WDPCP: variants seen among roughly 807,000 people sequenced by gnomAD.
The protein encoded by WDPCP is WD repeat containing planar cell polarity effector, also known as WD repeat-containing and planar cell polarity effector protein fritz homolog.
A neutral mutation model predicts 93.1 loss-of-function variants in WDPCP; 71 were observed. The observed-to-expected ratio is 0.76, with a 90% CI of 0.63 to 0.93. The LOEUF (loss-of-function observed/expected upper bound fraction) is 0.93. Ranked by LOEUF, WDPCP falls within the 40% of genes least tolerant of loss-of-function variation. The pLI is 0.00. For missense variants in WDPCP, 844 were observed against 887.4 expected, an observed-to-expected ratio of 0.95 and a Z score of 0.62; for synonymous variants, 315 against 315.0, an observed-to-expected ratio of 1.00 and a Z score of 0.00.
chr2:63,726,005 A>AT (rs1266526352), intron 2 of WDPCP, among the ~76,000 whole-genome samples: 3 of 152,076 alleles, frequency 2.0e-5, no homozygotes, highest in African/African-American at 7.2e-5. Flanking sequence ...TGCTTACTCC[A>AT]TTGATAGTAT....
chr2:63,459,852 G>T (rs1698888403), intron 6 of WDPCP, among the ~76,000 whole-genome samples: 1 of 151,348 alleles, frequency 6.6e-6, no homozygotes, highest in African/African-American at 2.4e-5. Context: ...GGGAGGGGGA[G>T]GTTGCAGTGA....
At chr2:63,171,193 A>G (rs1273266748) in intron 15 of WDPCP, among the ~76,000 whole-genome samples, 2 of 152,210 alleles carry the variant, frequency 1.3e-5, no homozygotes, top group East Asian at 3.8e-4. Flanking sequence ...AAAAAAGAAA[A>G]AATTGCTATC....
intron 14 of WDPCP, among the ~76,000 whole-genome samples, chr2:63,199,135 T>A (rs551245256): frequency 6.6e-6 from 1 of 152,306 alleles, no homozygotes; most frequent in South Asian, 2.1e-4. Context: ...GCCCAGCTGC[T>A]TCTAACAATG....
At chr2:63,181,826 T>A (rs1674264605) in intron 14 of WDPCP, among the ~76,000 whole-genome samples, 1 of 152,030 alleles carries the variant, frequency 6.6e-6, no homozygotes, top group African/African-American at 2.4e-5. Context: ...CATGGGAGGT[T>A]TTTCCATTTG....
At position 63,717,471 on chromosome 2, in the gene WDPCP, C is replaced by T. The variant is rs867086360; in HGVS notation, n.309-66633G>A. 54 of 393,916 alleles carry T rather than the reference C, an allele frequency of 1.4e-4. 1 individual carries two copies. The Middle Eastern group carries it at 8.6e-3, about 62-fold the overall frequency. The allele number at this position is 393,916 out of a possible 1,614,324, so 24.4% of individuals were successfully genotyped here. On this transcript the variant is annotated intron_variant and non_coding_transcript_variant, in intron 2 of 4. Transcript: ENST00000467687. ...ACTAAAGGTGGGAAAGAATTAAGGG[C>T]GGCAAAGATGTGTCAGATGAGCATT...
chr2:63,537,979 A>G (rs184025202), intron 1 of WDPCP, among the ~76,000 whole-genome samples: 44 of 152,326 alleles, frequency 2.9e-4, no homozygotes, highest in African/African-American at 1.2e-4. Context: ...GAACAAGAGC[A>G]TAAGTCCCGC....
intron 2 of WDPCP, among the ~76,000 whole-genome samples, chr2:63,785,015 A>G (rs573851940): frequency 6.6e-6 from 1 of 152,236 alleles, no homozygotes; most frequent in African/African-American, 2.4e-5. Context: ...TTACGCTATG[A>G]GAGTTCAATA....
Position 63,433,810 on chromosome 2 carries a change from G to A in WDPCP, c.760C>T (p.Pro254Ser). ...GCTCTGTCCTTCTCAGAAGAAATGG[G>A]GGCCCAAGGCCAAGCATCATCGTTG... Reference protein sequence around the residue: ...LVNDDAWPWAPISSEKDRANL... With the variant: ...LVNDDAWPWASISSEKDRANL... The change falls in exon 9 of 18, where the codon CCC becomes TCC. Residue 254 changes from proline (P) to serine (S), a missense_variant. Coordinates refer to ENST00000272321, the MANE Select transcript of WDPCP (RefSeq NM_015910.7). 1.2e-6 allele frequency: 2 copies of A among 1,612,236 alleles called. No homozygotes were observed. The highest frequency in any genetic ancestry group is 2.2e-5 in the East Asian group (1 of 44,878).
chr2:63,726,459 G>A (rs1029453695), intron 2 of WDPCP, among the ~76,000 whole-genome samples: 1 of 152,076 alleles, frequency 6.6e-6, no homozygotes, highest in Non-Finnish European at 1.5e-5. Context: ...GCCCTGTACT[G>A]TAGTTTGAGG....
intron 3 of WDPCP, among the ~76,000 whole-genome samples, chr2:63,629,601 G>A (rs957491321): frequency 4.6e-5 from 7 of 152,158 alleles, no homozygotes; most frequent in Non-Finnish European, 7.4e-5. Flanking sequence ...GAGGCCATGC[G>A]GGAAGCAATG....
chr2:63,768,169 G>C (rs1670173322), intron 2 of WDPCP, among the ~76,000 whole-genome samples: 1 of 151,918 alleles, frequency 6.6e-6, no homozygotes, highest in Non-Finnish European at 1.5e-5. Context: ...ACCTTTTGTT[G>C]AAAATGACTA....
At chr2:63,621,674 A>T (rs569221230) in intron 3 of WDPCP, among the ~76,000 whole-genome samples, 1 of 152,272 alleles carries the variant, frequency 6.6e-6, no homozygotes, top group South Asian at 2.1e-4. Flanking sequence ...AATACAGAGA[A>T]CACCACTAAG....
intron 1 of WDPCP, chr2:63,519,018 CCCACTGTACCA>C (rs1702742369): frequency 6.6e-6 from 1 of 151,776 alleles, no homozygotes; most frequent in Non-Finnish European, 1.5e-5. Context: ...TACACATGCA[CCCACTGTACCA>C]CCACTGTCAG....
At chr2:63,281,065 C>A (rs1400223815) in intron 13 of WDPCP, among the ~76,000 whole-genome samples, 1 of 151,948 alleles carries the variant, frequency 6.6e-6, no homozygotes, top group Non-Finnish European at 1.5e-5. Context: ...GGGAGAAAAT[C>A]TTCACAATCT....
At chr2:63,786,851 T>G (rs906241960) in intron 2 of WDPCP, among the ~76,000 whole-genome samples, 13 of 152,180 alleles carry the variant, frequency 8.5e-5, no homozygotes, top group African/African-American at 3.1e-4. Context: ...AATCACAAAA[T>G]TATTGTTATA....
At chr2:63,676,329 T>C (rs1369950005) in intron 2 of WDPCP, among the ~76,000 whole-genome samples, 2 of 152,174 alleles carry the variant, frequency 1.3e-5, no homozygotes, top group African/African-American at 2.4e-5. Flanking sequence ...TTTGGCAAGA[T>C]TCTTGAGCTA....
At chr2:63,212,223 T>G (rs1423173874) in intron 14 of WDPCP, among the ~76,000 whole-genome samples, 1 of 152,186 alleles carries the variant, frequency 6.6e-6, no homozygotes, top group East Asian at 1.9e-4. Context: ...GAGAGAAATG[T>G]TGGGTTACCC....
At chr2:63,509,489 C>T (rs536958463) in intron 1 of WDPCP, among the ~76,000 whole-genome samples, 1 of 152,150 alleles carries the variant, frequency 6.6e-6, no homozygotes, top group Non-Finnish European at 1.5e-5. Context: ...CAGGAAAGAT[C>T]GAAAACTGAC....
At chr2:63,547,871 A>G (rs1705272344) in intron 1 of WDPCP, among the ~76,000 whole-genome samples, 1 of 152,140 alleles carries the variant, frequency 6.6e-6, no homozygotes, top group East Asian at 1.9e-4. Flanking sequence ...TGTTTCACAG[A>G]TCAGTAGAAT....
Sources: allele counts gnomAD v4.1 joint callset (sites outside exome capture counted in the v4.1 genomes callset), GRCh38; gene constraint gnomAD v4.1.1; transcripts MANE v1.5; gene names NCBI Gene and HGNC (gene_info 2026-07-23, HGNC 2026-07-21).